GJC1: variants seen among roughly 807,000 people sequenced by gnomAD.
GJC1 encodes gap junction gamma-1 protein.
A neutral mutation model predicts 29.3 loss-of-function variants in GJC1; 5 were observed. That is an observed-to-expected ratio of 0.17 (90% CI 0.09 to 0.36). The LOEUF is 0.36. Ranked by LOEUF, GJC1 falls within the 10% of genes least tolerant of loss-of-function variation. The pLI is 1.00. For synonymous variants in GJC1, 177 were observed against 183.3 expected, an observed-to-expected ratio of 0.97 and a Z score of 0.28; for missense variants, 310 against 496.2, an observed-to-expected ratio of 0.62 and a Z score of 3.56.
intron 1 of GJC1, among the ~76,000 whole-genome samples, chr17:44,821,814 C>G (rs1480922587): frequency 2.7e-5 from 4 of 150,766 alleles, no homozygotes; most frequent in African/African-American, 9.8e-5. Flanking sequence ...CAACAGTTAT[C>G]AAGAACTTTA....
At chr17:44,820,877 T>A (rs2050098252) in intron 1 of GJC1, among the ~76,000 whole-genome samples, 1 of 152,208 alleles carries the variant, frequency 6.6e-6, no homozygotes, top group African/African-American at 2.4e-5. Flanking sequence ...TCGTGACAAT[T>A]TCTAAGCAAA....
intron 1 of GJC1, among the ~76,000 whole-genome samples, chr17:44,821,714 A>AAAC (rs1567714211): frequency 6.7e-6 from 1 of 148,834 alleles, no homozygotes; most frequent in African/African-American, 2.5e-5. Context: ...AAAAAAAAAA[A>AAAC]AAAAAAAAAA....
intron 1 of GJC1, among the ~76,000 whole-genome samples, chr17:44,812,017 A>T (rs562178212): frequency 5.9e-5 from 9 of 151,518 alleles, no homozygotes; most frequent in Admixed American, 4.0e-4. Context: ...ACAAAAAACA[A>T]AAAACAAAAA....
chr17:44,796,909 G>A (rs568243629), downstream of GJC1, among the ~76,000 whole-genome samples: 40 of 151,942 alleles, frequency 2.6e-4, 3 homozygotes, highest in South Asian at 6.5e-3. Flanking sequence ...GTGCAGTGGC[G>A]CAACCACGGC....
At chr17:44,809,020 C>T (rs1015303153) in intron 1 of GJC1, among the ~76,000 whole-genome samples, 15 of 152,072 alleles carry the variant, frequency 9.9e-5, no homozygotes, top group East Asian at 1.9e-4. Flanking sequence ...GTGGAGGTTG[C>T]GGTGAGCTGA....
intron 1 of GJC1, among the ~76,000 whole-genome samples, chr17:44,823,259 T>G (rs1277203691): frequency 6.7e-6 from 1 of 148,796 alleles, no homozygotes; most frequent in East Asian, 1.9e-4. Context: ...TTTTTTTTTT[T>G]TTTTTTTTTT....
intron 1 of GJC1, among the ~76,000 whole-genome samples, chr17:44,821,754 T>C (rs543033092): frequency 7.2e-6 from 1 of 139,484 alleles, no homozygotes; most frequent in South Asian, 2.5e-4. Flanking sequence ...ACCCATACCA[T>C]CATACACCAA....
In GJC1 at chr17:44,807,442, T is replaced by C. The variant is rs1382111073; in HGVS notation, c.-69A>G. ...CCAAAATTTTCTTAGAGAAATGATG[T>C]TTTGATTGCAATTTTTCCAGATTCC... On this transcript the variant is annotated 5_prime_UTR_variant, in exon 2 of 3. Transcript: ENST00000592524. 10 of 151,818 alleles carry C rather than the reference T, an allele frequency of 6.6e-5. No homozygotes were observed. In the Admixed American group the frequency reaches 6.6e-4, roughly 10 times the overall value. 9.4% of individuals were successfully genotyped at this position (151,818 alleles called of 1,614,324 possible).
At position 44,804,446 on chromosome 17, in the gene GJC1, CTG is replaced by C. The variant is rs1359641294; in HGVS notation, c.*179_*180del. On this transcript the variant is annotated 3_prime_UTR_variant, in exon 3 of 3. Transcript: ENST00000592524. Reference sequence around the variant, plus strand: ...TGCTAAGAACATGTGCCTGGGAACACTGTGTTTCCCTTTCTCTCCCTCAGCCC... The same window carrying C: ...TGCTAAGAACATGTGCCTGGGAACACTGTTTCCCTTTCTCTCCCTCAGCCC... 12 of 580,426 alleles carry C rather than the reference CTG, an allele frequency of 2.1e-5. No homozygotes were observed. The highest frequency in any genetic ancestry group is 3.4e-5 in the Non-Finnish European group (11 of 327,134). 36.0% of individuals were successfully genotyped at this position (580,426 alleles called of 1,614,324 possible).
At chr17:44,812,809 G>A (rs1295275597) in intron 1 of GJC1, among the ~76,000 whole-genome samples, 1 of 150,954 alleles carries the variant, frequency 6.6e-6, no homozygotes, top group Non-Finnish European at 1.5e-5. Flanking sequence ...CACCATGCCC[G>A]GCTAATTTTT....
Position 44,805,442 on chromosome 17 carries a change from C to A in GJC1, c.376G>T (p.Ala126Ser), listed in dbSNP as rs1418297979. 3.1e-6 allele frequency: 5 copies of A among 1,614,032 alleles called. No individual in the cohort carries two copies. The change falls in exon 3 of 3, where the codon GCT becomes TCT. Residue 126 changes from alanine (A) to serine (S), a missense_variant. Physicochemically the swap from Ala to Ser is moderately conservative, Grantham distance 99 (BLOSUM62 1). Transcript: ENST00000592524. The surrounding 1 kb of genome is among the most constrained non-coding windows in gnomAD (Gnocchi z 5.1). ...TTGTCCTCCTCCGTTTCTTCCAGAG[C>A]CCGGTGTTGTTTCCAGCGCATTGCA... ...PYAMRWKQHRALEETEEDNEE... is the reference protein window; with the variant it reads ...PYAMRWKQHRSLEETEEDNEE...
downstream of GJC1, chr17:44,797,912 T>C (rs994419535): frequency 1.3e-5 from 2 of 152,226 alleles, no homozygotes; most frequent in Non-Finnish European, 2.9e-5. Flanking sequence ...GTTCGTGACC[T>C]ACCAGTCGGC....
At position 44,801,635 on chromosome 17, in the gene GJC1, ACT is replaced by A. The variant is rs2049848033; in HGVS notation, c.*2990_*2991del. On this transcript the variant is annotated 3_prime_UTR_variant, in exon 3 of 3. Coordinates refer to ENST00000592524, the MANE Select transcript of GJC1 (RefSeq NM_005497.4). ...TTTTTTTTTTTGAGACAAGAGTTTC[ACT>A]CTGTCTTGCAGGCTGGAGTGCAATG... 2 of 148,582 alleles carry A rather than the reference ACT, an allele frequency of 1.3e-5. No homozygotes were observed. The highest frequency in any genetic ancestry group is 6.8e-5 in the Admixed American group (1 of 14,760). The allele number at this position is 148,582 out of a possible 1,614,324, so 9.2% of individuals were successfully genotyped here.
At chr17:44,823,248 GTTTTTT>G (rs10710605) in intron 1 of GJC1, among the ~76,000 whole-genome samples, 3 of 117,790 alleles carry the variant, frequency 2.5e-5, no homozygotes, top group African/African-American at 9.9e-5. Context: ...TTTCTTTCCT[GTTTTTT>G]TTTTTTTTTT....
intron 1 of GJC1, among the ~76,000 whole-genome samples, chr17:44,828,359 C>CA (rs1375961104): frequency 1.3e-5 from 2 of 152,142 alleles, no homozygotes; most frequent in Non-Finnish European, 2.9e-5. Flanking sequence ...TGGTAGAAAA[C>CA]AATTCTTAAG....
chr17:44,814,546 C>G (rs2050020552), intron 1 of GJC1, among the ~76,000 whole-genome samples: 2 of 152,060 alleles, frequency 1.3e-5, no homozygotes, highest in South Asian at 4.1e-4. Flanking sequence ...CACTCACACA[C>G]AAAAAACCCT....
At chr17:44,822,479 TA>T (rs1338466090) in intron 1 of GJC1, among the ~76,000 whole-genome samples, 1 of 151,134 alleles carries the variant, frequency 6.6e-6, no homozygotes, top group Non-Finnish European at 1.5e-5. Flanking sequence ...CTATCTCTAC[TA>T]AAAATATAAA....
intron 1 of GJC1, among the ~76,000 whole-genome samples, chr17:44,817,940 C>G (rs1490214295): frequency 6.6e-6 from 1 of 151,846 alleles, no homozygotes; most frequent in East Asian, 1.9e-4. Flanking sequence ...AGGCCAGGCG[C>G]GGTGGCTCAT....
chr17:44,795,188 G>A (rs1054565393), downstream of GJC1: 1 of 152,120 alleles, frequency 6.6e-6, no homozygotes, highest in African/African-American at 2.4e-5. Flanking sequence ...CTTTTCACAT[G>A]GGCCTAGTCA....
Sources: gnomAD v4.1 joint callset for allele counts (sites outside exome capture counted in the v4.1 genomes callset) on GRCh38, gnomAD v4.1.1 for gene constraint, Gnocchi (gnomAD v3.1) non-coding constraint, MANE v1.5 for transcripts, NCBI Gene and HGNC (gene_info 2026-07-23, HGNC 2026-07-21) for gene names.